Variants in ENTREP2 observed in about 807,000 individuals in gnomAD.
ENTREP2 encodes the protein protein ENTREP2.
At chr15:29,447,249 C>G in the ENTREP2 span, among the ~76,000 whole-genome samples, 1 of 152,082 alleles carries the variant, frequency 6.6e-6, no homozygotes, top group African/African-American at 2.4e-5. Context: ...CACAATGAAT[C>G]AAGAATGCTA....
At chr15:29,162,956 A>C in the ENTREP2 span, among the ~76,000 whole-genome samples, 2 of 152,202 alleles carry the variant, frequency 1.3e-5, no homozygotes, top group Admixed American at 6.5e-5. Flanking sequence ...TCCATGGCTG[A>C]GAGACCCATA....
the ENTREP2 span, among the ~76,000 whole-genome samples, chr15:29,359,326 G>A: frequency 6.6e-6 from 1 of 152,188 alleles, no homozygotes; most frequent in African/African-American, 2.4e-5. Context: ...AAAGATCTGT[G>A]TTTTGGTGAG....
chr15:29,475,210 C>G, the ENTREP2 span, among the ~76,000 whole-genome samples: 3 of 152,150 alleles, frequency 2.0e-5, no homozygotes, highest in Admixed American at 2.0e-4. Context: ...CCAATAATCA[C>G]TGCTGCTTCC....
At chr15:29,515,599 C>G in the ENTREP2 span, among the ~76,000 whole-genome samples, 1 of 152,314 alleles carries the variant, frequency 6.6e-6, no homozygotes, top group Admixed American at 6.5e-5. Context: ...AATGGATTCT[C>G]CCCAAGAGCC....
chr15:29,505,287 T>C, the ENTREP2 span, among the ~76,000 whole-genome samples: 1 of 152,194 alleles, frequency 6.6e-6, no homozygotes, highest in Admixed American at 6.5e-5. The surrounding 1 kb of genome is among the most constrained non-coding windows in gnomAD (Gnocchi z 4.3). Flanking sequence ...CCCATCTCCC[T>C]TGGACAGAGC....
At chr15:29,625,784 C>A in the ENTREP2 span, among the ~76,000 whole-genome samples, 1 of 152,202 alleles carries the variant, frequency 6.6e-6, no homozygotes, top group African/African-American at 2.4e-5. Flanking sequence ...ATTCCAGTTT[C>A]TCAACATCCT....
At chr15:29,157,932 T>C in the ENTREP2 span, among the ~76,000 whole-genome samples, 4 of 152,302 alleles carry the variant, frequency 2.6e-5, no homozygotes, top group Middle Eastern at 3.4e-3. Flanking sequence ...GGTTTCACCA[T>C]GTTGGCCAGG....
At chr15:29,342,677 C>T in the ENTREP2 span, among the ~76,000 whole-genome samples, 2 of 152,276 alleles carry the variant, frequency 1.3e-5, no homozygotes, top group South Asian at 4.2e-4. Flanking sequence ...TTTTGCCTGA[C>T]ATGGCAGGTG....
chr15:29,449,359 G>T, the ENTREP2 span, among the ~76,000 whole-genome samples: 2 of 152,162 alleles, frequency 1.3e-5, no homozygotes, highest in Admixed American at 1.3e-4. Flanking sequence ...TGCTGACAGG[G>T]GTCAGCTTGG....
the ENTREP2 span, among the ~76,000 whole-genome samples, chr15:29,155,005 G>A: frequency 2.0e-5 from 3 of 151,376 alleles, no homozygotes; most frequent in African/African-American, 2.4e-5. Context: ...AGAACCGGCC[G>A]GGCGTGGTGG....
At chr15:29,315,172 A>T in the ENTREP2 span, among the ~76,000 whole-genome samples, 2 of 152,232 alleles carry the variant, frequency 1.3e-5, no homozygotes, top group Non-Finnish European at 2.9e-5. Context: ...CCTAAAGTTA[A>T]TCTATAAATT....
chr15:29,653,227 A>G, the ENTREP2 span, among the ~76,000 whole-genome samples: 1 of 152,230 alleles, frequency 6.6e-6, no homozygotes, highest in Non-Finnish European at 1.5e-5. Context: ...TTTGCACCAC[A>G]CTGATTAATA....
the ENTREP2 span, among the ~76,000 whole-genome samples, chr15:29,508,530 C>G: frequency 6.6e-6 from 1 of 152,108 alleles, no homozygotes; most frequent in African/African-American, 2.4e-5. Flanking sequence ...ACCAGCAGCA[C>G]ATTAAAAAGC....
At chr15:29,162,996 A>T in the ENTREP2 span, among the ~76,000 whole-genome samples, 1 of 152,154 alleles carries the variant, frequency 6.6e-6, no homozygotes, top group Non-Finnish European at 1.5e-5. Flanking sequence ...CTCTGTGCAG[A>T]CAACCCTCAG....
the ENTREP2 span, among the ~76,000 whole-genome samples, chr15:29,607,997 G>A: frequency 6.6e-6 from 1 of 152,172 alleles, no homozygotes; most frequent in Non-Finnish European, 1.5e-5. Context: ...TCTGATGTTT[G>A]AGGGCAGGAA....
At chr15:29,191,308 A>T in the ENTREP2 span, among the ~76,000 whole-genome samples, 67 of 152,292 alleles carry the variant, frequency 4.4e-4, no homozygotes, top group East Asian at 0.012. Context: ...CTTGAGATAG[A>T]ATTTAAGGGT....
At chr15:29,571,160 CA>C in the ENTREP2 span, among the ~76,000 whole-genome samples, 1 of 151,006 alleles carries the variant, frequency 6.6e-6, no homozygotes, top group Admixed American at 6.6e-5. Flanking sequence ...GGGGAAGGCG[CA>C]GGTGCGGTCC....
the ENTREP2 span, among the ~76,000 whole-genome samples, chr15:29,141,936 G>A: frequency 6.6e-6 from 1 of 152,314 alleles, no homozygotes; most frequent in Non-Finnish European, 1.5e-5. Flanking sequence ...CACAGGGTGA[G>A]GCCTGTGTTC....
At chr15:29,182,501 T>C in the ENTREP2 span, among the ~76,000 whole-genome samples, 1,074 of 152,238 alleles carry the variant, frequency 7.1e-3, 15 homozygotes, top group African/African-American at 0.025. Flanking sequence ...ATATTTAACG[T>C]AAGTTGATCG....
Sources: allele counts gnomAD v4.1 joint callset (sites outside exome capture counted in the v4.1 genomes callset), GRCh38; gene constraint gnomAD v4.1.1; non-coding constraint Gnocchi (gnomAD v3.1); transcripts MANE v1.5; gene names NCBI Gene and HGNC (gene_info 2026-07-23, HGNC 2026-07-21).